The following KDM3B variants were observed in gnomAD, a reference collection of about 807,000 sequenced individuals.
KDM3B encodes the protein lysine-specific demethylase 3B.
In KDM3B, 10 loss-of-function variants were observed where a neutral mutation model predicts 170.0. The observed-to-expected ratio is 0.06, with a 90% CI of 0.04 to 0.10. The LOEUF (loss-of-function observed/expected upper bound fraction) is 0.10. Ranked by LOEUF, KDM3B falls within the 10% of genes least tolerant of loss-of-function variation. The pLI, the probability that KDM3B is intolerant of heterozygous loss-of-function variation, is 1.00. For missense variants in KDM3B, 1,394 were observed against 2,195.2 expected (o/e 0.64, Z 7.29); for synonymous variants, 831 against 834.8 (o/e 1.00, Z 0.08).
chr5:138,390,234 G>C, intron 7 of KDM3B, among the ~76,000 whole-genome samples: 1 of 152,028 alleles, frequency 6.6e-6, no homozygotes, highest in Middle Eastern at 3.2e-3. Context: ...GGAGTGTTCT[G>C]TTATTTCATT....
chr5:138,393,728 A>G (rs545981252), intron 9 of KDM3B, among the ~76,000 whole-genome samples: 2 of 152,344 alleles, frequency 1.3e-5, no homozygotes, highest in East Asian at 3.9e-4. Flanking sequence ...CCTCAGTGCT[A>G]GAGTAACTTG....
At chr5:138,385,442 A>C (rs1476209795) in intron 6 of KDM3B, among the ~76,000 whole-genome samples, 1 of 152,224 alleles carries the variant, frequency 6.6e-6, no homozygotes, top group Admixed American at 6.5e-5. Flanking sequence ...CATGTTGGCC[A>C]GGATGGTCTC....
At chr5:138,390,874 G>C in intron 7 of KDM3B, 139 bp from the exon 8 acceptor site, 1 of 743,136 alleles carries the variant, frequency 1.3e-6, no homozygotes, top group East Asian at 2.8e-5. Context: ...AGTTACAAGA[G>C]CAGATCCATG....
chr5:138,358,929 G>C (rs1165222524), intron 1 of KDM3B, among the ~76,000 whole-genome samples: 1 of 149,932 alleles, frequency 6.7e-6, no homozygotes, highest in Non-Finnish European at 1.5e-5. Context: ...ATCTCCTAAA[G>C]CTATCCCTCC....
chr5:138,385,746 C>T (rs1451621260), intron 6 of KDM3B, among the ~76,000 whole-genome samples: 1 of 152,164 alleles, frequency 6.6e-6, no homozygotes, highest in Non-Finnish European at 1.5e-5. Context: ...TTGTTAAAAC[C>T]CTCAAAGAAG....
chr5:138,419,708 CACATATAT>C (rs1421442974), intron 14 of KDM3B, among the ~76,000 whole-genome samples: 5 of 112,662 alleles, frequency 4.4e-5, no homozygotes, highest in Admixed American at 3.8e-4. Flanking sequence ...TATACACACA[CACATATAT>C]ATACACACAC....
Position 138,436,055 on chromosome 5 carries a change from T to G in KDM3B, c.*355T>G. On this transcript the variant is annotated 3_prime_UTR_variant, in exon 24 of 24. Transcript: ENST00000314358. ...TCTTTTCCTCTTGTGCCTAGTTAAG[T>G]GGAAATGTGTTTGGAGATAGGGGAA... 1 of 255,826 alleles carries G rather than the reference T, an allele frequency of 3.9e-6. No individual in the cohort carries two copies. The highest frequency in any genetic ancestry group is 2.2e-5 in the African/African-American group (1 of 44,646). The allele number at this position is 255,826 out of a possible 1,614,324, so 15.8% of individuals were successfully genotyped here. A position where few individuals can be genotyped will look rare whatever the true frequency, so the allele number is the denominator to read the frequency against.
intron 11 of KDM3B, 101 bp downstream of exon 11, chr5:138,400,113 C>G: frequency 2.7e-6 from 3 of 1,118,654 alleles, no homozygotes; most frequent in Non-Finnish European, 3.9e-6. Context: ...TTATGCCTCT[C>G]TTTAGCTGCT....
chr5:138,432,121 A>G (rs747824993), intron 23 of KDM3B, among the ~76,000 whole-genome samples: 21 of 152,146 alleles, frequency 1.4e-4, no homozygotes, highest in Non-Finnish European at 1.5e-4. Context: ...TAGTATTACA[A>G]GTGTTAGTAA....
intron 11 of KDM3B, among the ~76,000 whole-genome samples, chr5:138,405,514 A>C (rs551741919): frequency 6.6e-6 from 1 of 151,632 alleles, no homozygotes; most frequent in Non-Finnish European, 1.5e-5. Context: ...TTACAAAAGA[A>C]AAAAAAAACG....
Position 138,430,276 on chromosome 5 carries a change from C to G in KDM3B, c.4921C>G (p.Pro1641Ala). The change falls in exon 22 of 24, where the codon CCC becomes GCC. Residue 1641 changes from proline to alanine, a missense_variant. Transcript: ENST00000314358. Reference protein sequence around the residue: ...KVGEEQGQENPPDHDPIHDQS... With the variant: ...KVGEEQGQENAPDHDPIHDQS... ...TGGAGAAGAACAAGGCCAAGAGAAC[C>G]CCCCTGATCATGACCCAATTCATGA... 1 of 1,614,084 alleles carries G rather than the reference C, an allele frequency of 6.2e-7. No homozygotes were observed. Among genetic ancestry groups the G allele is most frequent in the Non-Finnish European group, 8.5e-7 (1 of 1,179,998 alleles).
At chr5:138,426,745 G>C (rs1310355176) in intron 17 of KDM3B, 1 of 429,592 alleles carries the variant, frequency 2.3e-6, no homozygotes, top group Non-Finnish European at 4.3e-6. Context: ...ACAAAAATTA[G>C]CCAGGCGTGG....
At chr5:138,363,151 C>T (rs1268222144) in intron 1 of KDM3B, among the ~76,000 whole-genome samples, 1 of 152,038 alleles carries the variant, frequency 6.6e-6, no homozygotes, top group Non-Finnish European at 1.5e-5. Context: ...ATCTATTCTA[C>T]TAGATAGTAA....
chr5:138,386,485 A>T lies in KDM3B; in HGVS notation c.1244A>T (p.Gln415Leu). The T allele has an allele frequency of 6.2e-7, 1 of 1,614,224 alleles. No homozygotes were observed. The highest frequency in any genetic ancestry group is 1.3e-5 in the African/African-American group (1 of 75,060). ...EAGKTLEQVG[Q>L]GIVASAAVVT... The stretch of plus-strand genomic sequence containing the variant: ...GGAAAAACACTGGAACAAGTTGGCC[A>T]GGGCATAGTGGCTTCCGCAGCTGTG... The change falls in exon 7 of 24, where the codon CAG (glutamine) becomes CTG (leucine). Residue 415 changes from glutamine (Q) to leucine (L), a missense_variant. Coordinates refer to ENST00000314358, the MANE Select transcript of KDM3B (RefSeq NM_016604.4).
chr5:138,391,752 G>T lies in KDM3B; in HGVS notation c.2120G>T (p.Gly707Val), dbSNP rs1762436965. The T allele has an allele frequency of 6.2e-7, 1 of 1,613,882 alleles. No individual in the cohort carries two copies. The highest frequency in any genetic ancestry group is 1.3e-5 in the African/African-American group (1 of 74,872). Residue 707 changes from glycine to valine, a missense_variant, in exon 8 of 24, where the codon GGC becomes GTC. Gly to Val is a moderately radical substitution (Grantham distance 109, BLOSUM62 -3). Around this residue, in one of 19 missense-constraint regions of KDM3B, gnomAD observed 294 missense variants for 311.7 expected, o/e 0.94. Coordinates refer to ENST00000314358, the MANE Select transcript of KDM3B (RefSeq NM_016604.4). The surrounding 1 kb of genome is among the most constrained non-coding windows in gnomAD (Gnocchi z 5.0). ...DSSKLVSGVL[G>V]SALTSGGPSL... ...TCCAAGCTAGTATCTGGTGTTCTGG[G>T]CTCAGCTCTTACCAGTGGGGGCCCA...
In KDM3B at chr5:138,386,300, C is replaced by T; in HGVS notation, c.1059C>T (p.Asn353=). 1 of 1,614,226 alleles carries T rather than the reference C, an allele frequency of 6.2e-7. No homozygotes were observed. Among genetic ancestry groups the T allele is most frequent in the South Asian group, 1.1e-5 (1 of 91,088 alleles). ...PSTFVPQINR[N]IRFATYTKEN... ...CATTTGTCCCCCAGATAAACCGCAA[C>T]ATTCGCTTTGCCACTTACACCAAAG... Residue 353 remains asparagine, a synonymous_variant, in exon 7 of 24, where the codon AAC becomes AAT. Transcript: ENST00000314358.
chr5:138,405,389 C>G (rs898712530), intron 11 of KDM3B, among the ~76,000 whole-genome samples: 2 of 152,078 alleles, frequency 1.3e-5, no homozygotes, highest in Non-Finnish European at 1.5e-5. Context: ...TGCCTGTGGT[C>G]GCAGCTACTT....
At chr5:138,424,384 C>A in intron 16 of KDM3B, 43 bp downstream of exon 16, 1 of 1,585,392 alleles carries the variant, frequency 6.3e-7, no homozygotes, top group Non-Finnish European at 8.6e-7. Flanking sequence ...TCTCTGCCTG[C>A]CTACCACAGA....
rs1225217450 is a variant in KDM3B, at chr5:138,393,090, A to G, written c.2630-81A>G. 4.5e-6 allele frequency: 6 copies of G among 1,339,218 alleles called. No individual in the cohort carries two copies. In the East Asian group the frequency reaches 1.2e-4, roughly 26 times the overall value. The allele number at this position is 1,339,218 out of a possible 1,614,324, so 83.0% of individuals were successfully genotyped here. On this transcript the variant is annotated intron_variant, in intron 8 of 23. Transcript: ENST00000314358. ...GGAGTAGCAACCCAGGTCAGAACAA[A>G]TGTCTGTCCCCAAAAGAATCATGCT...
Sources: allele counts gnomAD v4.1 joint callset (sites outside exome capture counted in the v4.1 genomes callset), GRCh38; gene constraint gnomAD v4.1.1; regional missense constraint gnomAD v4.1.1; non-coding constraint Gnocchi (gnomAD v3.1); transcripts MANE v1.5; gene names NCBI Gene and HGNC (gene_info 2026-07-23, HGNC 2026-07-21).